MARCO: variants seen among roughly 807,000 people sequenced by gnomAD.
MARCO encodes macrophage receptor with collagenous structure.
In MARCO, 72 loss-of-function variants were observed where a neutral mutation model predicts 70.0. The ratio of observed to expected loss-of-function variants is 1.03; its 90% CI spans 0.85 to 1.25. The LOEUF (loss-of-function observed/expected upper bound fraction) is 1.25. Among genes scored for constraint, MARCO ranks in the 50% most tolerant of loss-of-function variants. MARCO has a pLI of 0.00. For missense variants in MARCO, 696 were observed against 659.3 expected (o/e 1.06, Z -0.61); for synonymous variants, 273 against 243.1 (o/e 1.12, Z -1.14).
chr2:118,967,392 A>G (rs2104573325), intron 1 of MARCO, among the ~76,000 whole-genome samples: 1 of 152,298 alleles, frequency 6.6e-6, no homozygotes, highest in East Asian at 1.9e-4. Flanking sequence ...GTGACATGGA[A>G]CTGCAGCCAT....
intron 12 of MARCO, among the ~76,000 whole-genome samples, chr2:118,985,062 G>A (rs889076404): frequency 7.2e-5 from 11 of 152,062 alleles, no homozygotes; most frequent in Non-Finnish European, 2.9e-5. Context: ...CAGTGCCTCT[G>A]GGCCAGGCAC....
At chr2:118,971,449 G>A in intron 3 of MARCO, 50 bp from the exon 4 acceptor site, 4 of 1,600,248 alleles carry the variant, frequency 2.5e-6, no homozygotes, top group Non-Finnish European at 3.4e-6. Context: ...TGGGGCTTGG[G>A]CCAAGGGTAC....
chr2:118,964,269 TGAG>T (rs1442683872), intron 1 of MARCO, among the ~76,000 whole-genome samples: 1 of 152,236 alleles, frequency 6.6e-6, no homozygotes, highest in African/African-American at 2.4e-5. Context: ...TTAAAACTCA[TGAG>T]GAGAAGGATG....
chr2:118,954,388 CT>C (rs1679788088), intron 1 of MARCO, among the ~76,000 whole-genome samples: 3 of 152,196 alleles, frequency 2.0e-5, no homozygotes, highest in South Asian at 2.1e-4. Context: ...AATCTCACCC[CT>C]ATCCCCCACG....
At chr2:118,976,802 C>T (rs1022465768) in intron 6 of MARCO, among the ~76,000 whole-genome samples, 1 of 152,200 alleles carries the variant, frequency 6.6e-6, no homozygotes, top group Admixed American at 6.5e-5. Flanking sequence ...ACTCTAAAGC[C>T]TTTCCTGCAC....
intron 13 of MARCO, among the ~76,000 whole-genome samples, chr2:118,990,872 G>A (rs533651303): frequency 1.3e-5 from 2 of 152,272 alleles, no homozygotes; most frequent in South Asian, 2.1e-4. Context: ...ATGGCAAAGG[G>A]GCTGAGGATG....
Position 118,993,168 on chromosome 2 carries a change from G to A in MARCO, c.1297G>A (p.Gly433Ser). Residue 433 changes from glycine (G) to serine (S), a missense_variant, in exon 16 of 17, where the codon GGC becomes AGC. Transcript: ENST00000327097. ...CAGGATTGTCGGCAGTAGTAACCGA[G>A]GCCGGGCTGAAGTTTACTACAGTGG... ...SVRIVGSSNR[G>S]RAEVYYSGTW... The A allele has an allele frequency of 6.2e-7, 1 of 1,614,246 alleles. No individual in the cohort carries two copies. Among genetic ancestry groups the A allele is most frequent in the Non-Finnish European group, 8.5e-7 (1 of 1,180,046 alleles).
At chr2:118,992,305 C>T (rs1173242414) in intron 14 of MARCO, 127 bp from the exon 15 acceptor site, 9 of 711,658 alleles carry the variant, frequency 1.3e-5, no homozygotes, top group Non-Finnish European at 1.7e-5. Context: ...AATGCCAGGC[C>T]ACAGGCGAGA....
chr2:118,982,519 G>A, intron 12 of MARCO, 109 bp downstream of exon 12: 2 of 1,084,348 alleles, frequency 1.8e-6, no homozygotes, highest in Non-Finnish European at 2.8e-6. Flanking sequence ...GGTCTTCTGT[G>A]CCTTGGCCTC....
At chr2:118,948,123 T>C (rs539174452) in intron 1 of MARCO, among the ~76,000 whole-genome samples, 1 of 152,328 alleles carries the variant, frequency 6.6e-6, no homozygotes, top group East Asian at 1.9e-4. Context: ...AGATAATTGG[T>C]GCCAGGAAGA....
intron 1 of MARCO, among the ~76,000 whole-genome samples, chr2:118,968,167 G>T (rs1573389395): frequency 6.6e-6 from 1 of 152,204 alleles, no homozygotes; most frequent in Non-Finnish European, 1.5e-5. Flanking sequence ...AGGGCCTTCT[G>T]CAGTCTGGGG....
chr2:118,993,603 C>T (rs1680665649), intron 16 of MARCO, among the ~76,000 whole-genome samples: 1 of 152,162 alleles, frequency 6.6e-6, no homozygotes, highest in South Asian at 2.1e-4. Context: ...GCAGATGGCT[C>T]TCCAAAGGAC....
intron 1 of MARCO, among the ~76,000 whole-genome samples, chr2:118,965,646 G>T (rs1680030794): frequency 6.6e-6 from 1 of 152,160 alleles, no homozygotes; most frequent in Non-Finnish European, 1.5e-5. Flanking sequence ...TGTATAGTAT[G>T]TTAGGAGATT....
chr2:118,971,660 C>G, intron 4 of MARCO, 126 bp downstream of exon 4: 1 of 886,138 alleles, frequency 1.1e-6, no homozygotes. Context: ...TCTCCACAGC[C>G]TCCTTTGTCT....
At chr2:118,969,328 G>T in intron 2 of MARCO, 67 bp downstream of exon 2, 2 of 1,232,020 alleles carry the variant, frequency 1.6e-6, no homozygotes, top group Non-Finnish European at 2.4e-6. Context: ...GGGCCCCTCA[G>T]ATGAAGGGCT....
chr2:118,967,490 G>T (rs1162331008), intron 1 of MARCO, among the ~76,000 whole-genome samples: 2 of 152,114 alleles, frequency 1.3e-5, no homozygotes, highest in Non-Finnish European at 2.9e-5. Flanking sequence ...GACTTGGGCA[G>T]GTTATGTGTT....
In MARCO at chr2:118,942,210, G is replaced by A. The variant is rs1679516676; in HGVS notation, c.-91G>A. ...GCGAGGTTTACAACCAGCTGCAGTG[G>A]TTCGATGGGAAGGATCTTTCTCCAA... is the stretch of plus-strand genomic sequence containing the variant. On this transcript the variant is annotated 5_prime_UTR_variant, in exon 1 of 17. Coordinates refer to ENST00000327097, the MANE Select transcript of MARCO (RefSeq NM_006770.4). The A allele has an allele frequency of 3.7e-6, 3 of 802,506 alleles. No homozygotes were observed. In the South Asian group the frequency reaches 4.6e-5, roughly 12 times the overall value. 49.7% of individuals were successfully genotyped at this position (802,506 alleles called of 1,614,324 possible). A position where few individuals can be genotyped will look rare whatever the true frequency, so the allele number is the denominator to read the frequency against.
rs556549897 is a variant in MARCO at position 118,978,213 on chromosome 2, G to C, written c.766+278G>C. Among the ~76,000 whole-genome samples the C allele has an allele frequency of 3.3e-5, 5 of 152,272 alleles. No individual in the cohort carries two copies. The South Asian group carries it at 1.0e-3, about 32-fold the overall frequency. Reference sequence around the variant, plus strand: ...GGAAGCCAAGGGGATGAGGAGAGTGGGCCTGCACTGGGCCTTGGGAAGCAG... The same window carrying C: ...GGAAGCCAAGGGGATGAGGAGAGTGCGCCTGCACTGGGCCTTGGGAAGCAG... On this transcript the variant is annotated intron_variant, in intron 8 of 16. Transcript: ENST00000327097.
chr2:118,988,994 G>A (rs1448280636), intron 12 of MARCO, among the ~76,000 whole-genome samples: 1 of 152,226 alleles, frequency 6.6e-6, no homozygotes, highest in African/African-American at 2.4e-5. Flanking sequence ...CTCAGAGAAG[G>A]AAACTGAGGC....
Sources: gnomAD v4.1 joint callset for allele counts (sites outside exome capture counted in the v4.1 genomes callset) on GRCh38, gnomAD v4.1.1 for gene constraint, MANE v1.5 for transcripts, NCBI Gene and HGNC (gene_info 2026-07-23, HGNC 2026-07-21) for gene names.